The following APTX variants were observed in gnomAD, a reference collection of about 807,000 sequenced individuals.
APTX encodes aprataxin, also known as forkhead-associated domain histidine triad-like protein.
In APTX, 33 loss-of-function variants were observed where a neutral mutation model predicts 42.3. The observed-to-expected ratio is 0.78, with a 90% CI of 0.59 to 1.04. APTX has a LOEUF of 1.04. Ranked by LOEUF, APTX falls within the 50% of genes least tolerant of loss-of-function variation. The pLI is 0.00. For synonymous variants in APTX, 130 were observed against 146.7 expected, an observed-to-expected ratio of 0.89 and a Z score of 0.82; for missense variants, 421 against 415.1, an observed-to-expected ratio of 1.01 and a Z score of -0.12.
chr9:33,013,573 A>T (rs544441570), intron 1 of APTX, among the ~76,000 whole-genome samples: 1 of 152,278 alleles, frequency 6.6e-6, no homozygotes, highest in East Asian at 1.9e-4. Flanking sequence ...TTGGGAGGCC[A>T]AGGCGGGCAG....
chr9:32,984,983 TGA>T (rs1435622283), intron 5 of APTX, 126 bp from the exon 6 acceptor site: 3 of 846,752 alleles, frequency 3.5e-6, no homozygotes, highest in South Asian at 2.9e-5. Flanking sequence ...AGCCCAGTTT[TGA>T]GAGAGGAGAG....
intron 1 of APTX, among the ~76,000 whole-genome samples, chr9:32,998,797 C>T (rs1179937373): frequency 6.6e-6 from 1 of 151,650 alleles, no homozygotes; most frequent in African/African-American, 2.4e-5. Context: ...TGCAGCAAAC[C>T]ACTATGGCAC....
At chr9:33,005,593 A>G (rs894082535), upstream of APTX, among the ~76,000 whole-genome samples, 3 of 139,350 alleles carry the variant, frequency 2.2e-5, no homozygotes, top group Non-Finnish European at 4.7e-5. Flanking sequence ...TGTCCCACCA[A>G]GCCTGGCTAA....
At chr9:33,000,393 G>A (rs560722328) in intron 1 of APTX, among the ~76,000 whole-genome samples, 4 of 152,240 alleles carry the variant, frequency 2.6e-5, no homozygotes, top group Non-Finnish European at 5.9e-5. Flanking sequence ...TTGGGAGGCC[G>A]AGGGGGGCGA....
At chr9:32,995,900 A>G (rs1420522329) in intron 1 of APTX, among the ~76,000 whole-genome samples, 6 of 151,832 alleles carry the variant, frequency 4.0e-5, no homozygotes, top group African/African-American at 1.4e-4. Flanking sequence ...AAAAAAAAAA[A>G]AAAAGAAATT....
intron 1 of APTX, among the ~76,000 whole-genome samples, chr9:33,014,808 T>C (rs1193945956): frequency 1.3e-5 from 2 of 152,230 alleles, no homozygotes; most frequent in Admixed American, 1.3e-4. Flanking sequence ...GGCATCCCTC[T>C]ACACTGGTCA....
At chr9:33,016,459 T>C (rs1837906993) in intron 1 of APTX, among the ~76,000 whole-genome samples, 1 of 152,208 alleles carries the variant, frequency 6.6e-6, no homozygotes, top group African/African-American at 2.4e-5. Flanking sequence ...GTTTACTGCA[T>C]ATCCTTTCAC....
At chr9:33,017,928 GC>G (rs59841021) in intron 1 of APTX, among the ~76,000 whole-genome samples, 12,389 of 69,680 alleles carry the variant, frequency 0.18, 233 homozygotes, top group East Asian at 0.27. Context: ...AGCAACCAGC[GC>G]CCCCCCCCCC....
intron 4 of APTX, 77 bp downstream of exon 4, chr9:32,987,467 T>C: frequency 6.3e-7 from 1 of 1,581,334 alleles, no homozygotes. Flanking sequence ...TTCTGAACTT[T>C]AAAGTGTACA....
chr9:32,979,857 C>T, intron 6 of APTX: 1 of 173,996 alleles, frequency 5.7e-6, no homozygotes, highest in Non-Finnish European at 1.2e-5. Flanking sequence ...TCTACTTTTG[C>T]ATTTCGTACC....
intron 3 of APTX, 85 bp downstream of exon 3, chr9:32,987,998 C>T (rs1832601861): frequency 6.6e-7 from 1 of 1,522,584 alleles, no homozygotes; most frequent in African/African-American, 1.4e-5. Flanking sequence ...GACAGAGAAG[C>T]CTTCACTGGC....
intron 1 of APTX, among the ~76,000 whole-genome samples, chr9:33,014,212 C>T (rs1488932578): frequency 6.6e-6 from 1 of 151,592 alleles, no homozygotes; most frequent in African/African-American, 2.4e-5. Flanking sequence ...CAATAGCACT[C>T]ATAAGGTTAC....
At chr9:32,989,429 T>A (rs879335994) in intron 2 of APTX, among the ~76,000 whole-genome samples, 55 of 152,090 alleles carry the variant, frequency 3.6e-4, no homozygotes, top group Non-Finnish European at 5.9e-5. Context: ...AAAGACATGG[T>A]TTCACCTGTA....
At chr9:33,000,511 C>T (rs1313456583) in intron 1 of APTX, among the ~76,000 whole-genome samples, 1 of 151,182 alleles carries the variant, frequency 6.6e-6, no homozygotes, top group East Asian at 2.0e-4. Context: ...GCCTGTAATC[C>T]CAGCTCCTTG....
chr9:33,001,647 C>G, upstream of APTX: 3 of 1,611,704 alleles, frequency 1.9e-6, no homozygotes, highest in Non-Finnish European at 2.5e-6. Flanking sequence ...ACGTCAGAGG[C>G]CGGCTGTATC....
chr9:32,978,157 G>A (rs1772881064), intron 6 of APTX, among the ~76,000 whole-genome samples: 1 of 152,224 alleles, frequency 6.6e-6, no homozygotes, highest in South Asian at 2.1e-4. Flanking sequence ...AGAATGGAAA[G>A]CCATGTAGAA....
intron 4 of APTX, 36 bp from the exon 5 acceptor site, chr9:32,986,066 A>C (rs765507790): frequency 5.5e-6 from 8 of 1,465,648 alleles, no homozygotes; most frequent in Non-Finnish European, 6.6e-6. Context: ...AAAAAAAAAA[A>C]AAAACAAGCA....
intron 1 of APTX, among the ~76,000 whole-genome samples, chr9:33,019,265 G>A (rs1049656009): frequency 1.3e-5 from 2 of 152,044 alleles, no homozygotes; most frequent in Admixed American, 1.3e-4. Flanking sequence ...AGGAATGAAG[G>A]AGAGAGTTCA....
intron 1 of APTX, among the ~76,000 whole-genome samples, chr9:33,015,177 G>A (rs1158327620): frequency 6.6e-6 from 1 of 152,068 alleles, no homozygotes; most frequent in East Asian, 1.9e-4. Context: ...CCTTGGAAGT[G>A]GCTGTAAACC....
Sources: allele counts gnomAD v4.1 joint callset (sites outside exome capture counted in the v4.1 genomes callset), GRCh38; gene constraint gnomAD v4.1.1; transcripts MANE v1.5; gene names NCBI Gene and HGNC (gene_info 2026-07-23, HGNC 2026-07-21).